The following TMC1 variants were observed in gnomAD, a reference collection of about 807,000 sequenced individuals.
The protein encoded by TMC1 is transmembrane channel like 1.
A neutral mutation model predicts 105.8 loss-of-function variants in TMC1; 84 were observed. The observed-to-expected ratio is 0.79, with a 90% confidence interval of 0.67 to 0.95. TMC1 has a LOEUF of 0.95. Ranked by LOEUF, TMC1 falls within the 40% of genes least tolerant of loss-of-function variation. The pLI, the probability that TMC1 is intolerant of heterozygous loss-of-function variation, is 0.00. For synonymous variants in TMC1, 315 were observed against 311.5 expected, an observed-to-expected ratio of 1.01 and a Z score of -0.12; for missense variants, 817 against 914.1, an observed-to-expected ratio of 0.89 and a Z score of 1.37.
chr9:72,772,611 G>T, intron 13 of TMC1, 56 bp downstream of exon 13: 2 of 1,604,948 alleles, frequency 1.2e-6, no homozygotes, highest in Non-Finnish European at 1.7e-6. Context: ...TCAAATGGAG[G>T]GATTAATTTG....
intron 5 of TMC1, among the ~76,000 whole-genome samples, chr9:72,676,800 G>T (rs1826209843): frequency 6.6e-6 from 1 of 152,070 alleles, no homozygotes; most frequent in Non-Finnish European, 1.5e-5. Flanking sequence ...GTTCTCCATG[G>T]CCGTGATCTT....
At chr9:72,723,823 T>C (rs887518942) in intron 8 of TMC1, among the ~76,000 whole-genome samples, 1 of 152,236 alleles carries the variant, frequency 6.6e-6, no homozygotes, top group African/African-American at 2.4e-5. Context: ...CTTTCTTAGT[T>C]ATGCATGTAC....
rs199564426 is a variant in TMC1, at chr9:72,619,832, A to AATTT, written c.-196+3369_-196+3372dup. Among the ~76,000 whole-genome samples, 128 of 138,680 alleles carry AATTT rather than the reference A, an allele frequency of 9.2e-4. 1 individual carries two copies. Among genetic ancestry groups the AATTT allele is most frequent in the Admixed American group, 3.5e-3 (49 of 13,930 alleles). 91.0% of individuals were successfully genotyped at this position (138,680 alleles called of 152,430 possible). A position where few individuals can be genotyped will look rare whatever the true frequency, so the allele number is the denominator to read the frequency against. ...TATTTAATTAATTAATTAATTAATTAATTTATTTATTTATTTACTTTGAGA... is the reference window on the plus strand; with the variant it reads ...TATTTAATTAATTAATTAATTAATTAATTTATTTATTTATTTATTTACTTTGAGA... On this transcript the variant is annotated intron_variant, in intron 3 of 23. Coordinates refer to ENST00000297784, the MANE Select transcript of TMC1 (RefSeq NM_138691.3).
intron 23 of TMC1, among the ~76,000 whole-genome samples, chr9:72,834,116 T>G (rs1031424391): frequency 2.0e-5 from 3 of 152,112 alleles, no homozygotes; most frequent in African/African-American, 7.2e-5. Context: ...CATTTCCTTA[T>G]CTTTAAATTT....
At chr9:72,817,981 A>T (rs904609136) in intron 19 of TMC1, among the ~76,000 whole-genome samples, 6 of 152,088 alleles carry the variant, frequency 3.9e-5, no homozygotes, top group African/African-American at 1.4e-4. Flanking sequence ...TTATTCTATT[A>T]TTCACCTTCA....
intron 2 of TMC1, among the ~76,000 whole-genome samples, chr9:72,605,335 A>T (rs1342451792): frequency 6.6e-6 from 1 of 152,176 alleles, no homozygotes; most frequent in African/African-American, 2.4e-5. Context: ...GTTCTGGCTC[A>T]AAGTATCTTA....
At chr9:72,770,425 T>G (rs1335398848) in intron 12 of TMC1, among the ~76,000 whole-genome samples, 1 of 144,818 alleles carries the variant, frequency 6.9e-6, no homozygotes, top group African/African-American at 2.5e-5. Context: ...TTGGGTTTTT[T>G]TTTTTTTTTT....
At chr9:72,546,585 A>C (rs963892356) in intron 1 of TMC1, among the ~76,000 whole-genome samples, 1 of 152,190 alleles carries the variant, frequency 6.6e-6, no homozygotes, top group African/African-American at 2.4e-5. Flanking sequence ...CTTGTGATTA[A>C]ATATTTGTTG....
At chr9:72,610,332 G>A (rs546248261) in intron 2 of TMC1, among the ~76,000 whole-genome samples, 2 of 152,078 alleles carry the variant, frequency 1.3e-5, no homozygotes, top group South Asian at 4.1e-4. Context: ...TGATTGTGGA[G>A]GCTGACAAGT....
At chr9:72,643,889 G>A (rs908011833) in intron 4 of TMC1, among the ~76,000 whole-genome samples, 12 of 152,076 alleles carry the variant, frequency 7.9e-5, no homozygotes, top group African/African-American at 2.9e-4. Context: ...TACATTCCTG[G>A]CAGCAGTGTA....
intron 8 of TMC1, among the ~76,000 whole-genome samples, chr9:72,724,610 A>G (rs1042131586): frequency 2.0e-5 from 3 of 152,152 alleles, no homozygotes; most frequent in Non-Finnish European, 4.4e-5. Flanking sequence ...AGATATAAAA[A>G]ATTTCTGAAG....
chr9:72,670,111 C>G (rs1250141863), intron 5 of TMC1, among the ~76,000 whole-genome samples: 2 of 152,170 alleles, frequency 1.3e-5, no homozygotes, highest in Non-Finnish European at 2.9e-5. Flanking sequence ...AGAGAGTGAG[C>G]TCTGGATTTC....
chr9:72,594,476 G>A (rs1427756702), intron 2 of TMC1, among the ~76,000 whole-genome samples: 1 of 152,180 alleles, frequency 6.6e-6, no homozygotes, highest in Non-Finnish European at 1.5e-5. Context: ...TTTGGCTTAC[G>A]ACAGGTAGAA....
At chr9:72,571,435 C>A (rs1418296098) in intron 1 of TMC1, among the ~76,000 whole-genome samples, 1 of 146,124 alleles carries the variant, frequency 6.8e-6, no homozygotes. Flanking sequence ...TGTGAATCAA[C>A]CTCACGCTTT....
intron 2 of TMC1, among the ~76,000 whole-genome samples, chr9:72,582,500 T>C (rs1366786379): frequency 6.6e-6 from 1 of 152,194 alleles, no homozygotes; most frequent in Non-Finnish European, 1.5e-5. Flanking sequence ...CAGATCTACT[T>C]CTCAAAGTGA....
At chr9:72,698,815 T>G (rs1564498430) in intron 7 of TMC1, among the ~76,000 whole-genome samples, 1 of 152,094 alleles carries the variant, frequency 6.6e-6, no homozygotes, top group African/African-American at 2.4e-5. Flanking sequence ...GGAGAGGTGA[T>G]GAAGCTGGTT....
At position 72,668,184 on chromosome 9, in the gene TMC1, T is replaced by A. The variant is rs1241168055; in HGVS notation, c.16+19520T>A. On this transcript the variant is annotated intron_variant, in intron 5 of 23. Transcript: ENST00000297784. ...GCCTAGTGTATAATATTTTTACTTA[T>A]GGGTTTTAGCATTTAACTTATTTAA... Among the ~76,000 whole-genome samples the A allele has an allele frequency of 2.6e-5, 4 of 152,250 alleles. No individual in the cohort carries two copies. The South Asian group carries it at 8.3e-4, about 31-fold the overall frequency.
Position 72,751,477 on chromosome 9 carries a change from T to C in TMC1, c.536-373T>C, listed in dbSNP as rs60156681. 2.1e-3 allele frequency among the ~76,000 whole-genome samples: 327 copies of C among 152,364 alleles called. 2 individuals carry two copies. Among genetic ancestry groups the C allele is most frequent in the African/African-American group, 7.6e-3 (315 of 41,594 alleles). On this transcript the variant is annotated intron_variant, in intron 10 of 23. Transcript: ENST00000297784. ...ATAGCTAATTACTAGCTAGGCACTGTAGTTACCTTTACATATATTTGCTCA... is the reference window on the plus strand; with the variant it reads ...ATAGCTAATTACTAGCTAGGCACTGCAGTTACCTTTACATATATTTGCTCA...
chr9:72,739,334 G>T (rs1827351241), intron 8 of TMC1, among the ~76,000 whole-genome samples: 1 of 152,172 alleles, frequency 6.6e-6, no homozygotes. Flanking sequence ...TCATGTTGGA[G>T]ATTAGATTTC....
Sources: gnomAD v4.1 joint callset for allele counts (sites outside exome capture counted in the v4.1 genomes callset) on GRCh38, gnomAD v4.1.1 for gene constraint, MANE v1.5 for transcripts, NCBI Gene and HGNC (gene_info 2026-07-23, HGNC 2026-07-21) for gene names.